Variants in ABCD2 observed in about 807,000 individuals in gnomAD.
The protein encoded by ABCD2 is ATP binding cassette subfamily D member 2.
ABCD2 carries 36 observed loss-of-function variants against 70.9 expected under a neutral mutation model. The ratio of observed to expected loss-of-function variants is 0.51; its 90% CI spans 0.39 to 0.67. The LOEUF (loss-of-function observed/expected upper bound fraction) is 0.67. ABCD2 is among the 30% of genes least tolerant of loss of function. The pLI is 0.00. For missense variants in ABCD2, 729 were observed against 890.2 expected (o/e 0.82, Z 2.30); for synonymous variants, 304 against 306.9 (o/e 0.99, Z 0.10).
chr12:39,542,841 A>G, the ABCD2 span, among the ~76,000 whole-genome samples: 1 of 152,176 alleles, frequency 6.6e-6, no homozygotes. Flanking sequence ...ATCAGCTGTG[A>G]GAAAAGAAGG....
chr12:39,568,788 T>C (rs1057149968), intron 9 of ABCD2, among the ~76,000 whole-genome samples: 2 of 152,162 alleles, frequency 1.3e-5, no homozygotes, highest in Admixed American at 1.3e-4. Context: ...ATGATGGTGA[T>C]TTACAGATGG....
downstream of ABCD2, among the ~76,000 whole-genome samples, chr12:39,548,055 A>G (rs540976384): frequency 5.9e-5 from 9 of 152,156 alleles, no homozygotes; most frequent in South Asian, 2.1e-4. Context: ...CCAGTTTCCA[A>G]TTTTGAACTT....
chr12:39,564,984 C>T (rs1471763542), intron 9 of ABCD2, among the ~76,000 whole-genome samples: 1 of 152,104 alleles, frequency 6.6e-6, no homozygotes, highest in East Asian at 1.9e-4. Flanking sequence ...GTTCCATTGG[C>T]TATATCTCTG....
chr12:39,564,126 C>A (rs1437530868), intron 9 of ABCD2, among the ~76,000 whole-genome samples: 1 of 152,098 alleles, frequency 6.6e-6, no homozygotes, highest in Non-Finnish European at 1.5e-5. Context: ...GATTTATAAT[C>A]CTTTGTGTAT....
In ABCD2 at chr12:39,552,829, A is replaced by T. The variant is rs1459840979; in HGVS notation, c.*1083T>A. On this transcript the variant is annotated 3_prime_UTR_variant, in exon 10 of 10. Transcript: ENST00000308666. ...CCAGTTTGATTTAAAGGATAATAAC[A>T]AAAGAGCACTAAACCAGAGAGTCAG... The T allele has an allele frequency of 1.3e-5, 2 of 152,028 alleles. No homozygotes were observed. Among genetic ancestry groups the T allele is most frequent in the African/African-American group, 2.4e-5 (1 of 41,452 alleles). The allele number at this position is 152,028 out of a possible 1,614,324, so 9.4% of individuals were successfully genotyped here. A position where few individuals can be genotyped will look rare whatever the true frequency, so the allele number is the denominator to read the frequency against.
At chr12:39,618,583 TG>T in intron 1 of ABCD2, 93 bp downstream of exon 1, 1 of 1,091,428 alleles carries the variant, frequency 9.2e-7, no homozygotes, top group Non-Finnish European at 1.3e-6. Flanking sequence ...ACTAAAGAAG[TG>T]GGTCCATCGA....
intron 6 of ABCD2, among the ~76,000 whole-genome samples, chr12:39,593,034 G>A (rs1367985475): frequency 6.6e-6 from 1 of 152,064 alleles, no homozygotes; most frequent in East Asian, 1.9e-4. Context: ...CACCCTTTCT[G>A]TCCTCCATAG....
At chr12:39,534,852 G>T in the ABCD2 span, among the ~76,000 whole-genome samples, 2 of 141,072 alleles carry the variant, frequency 1.4e-5, no homozygotes, top group African/African-American at 5.2e-5. Context: ...AAGAAATAAA[G>T]AAAGAGAAAG....
At chr12:39,581,817 A>T (rs1345303056) in intron 7 of ABCD2, among the ~76,000 whole-genome samples, 2 of 152,206 alleles carry the variant, frequency 1.3e-5, no homozygotes, top group Admixed American at 6.5e-5. Flanking sequence ...GGAACACATA[A>T]ATCAAAACTC....
chr12:39,536,136 G>A, the ABCD2 span, among the ~76,000 whole-genome samples: 2 of 152,188 alleles, frequency 1.3e-5, no homozygotes, highest in Admixed American at 1.3e-4. Flanking sequence ...AAAATTCCAT[G>A]TAAAATACAC....
At chr12:39,549,913 T>C (rs1047935919), downstream of ABCD2, 1 of 151,854 alleles carries the variant, frequency 6.6e-6, no homozygotes, top group African/African-American at 2.4e-5. Context: ...AAAGATTTGG[T>C]GAAGTCTGTA....
At position 39,618,855 on chromosome 12, in the gene ABCD2, A is replaced by G. The variant is rs201891055; in HGVS notation, c.761T>C (p.Ile254Thr). ...AAGTCCTGCTAGTAGGGTGGGCCCA[A>G]TTGGGCTTGCTCCTCTGGATGTAGC... Reference protein sequence around the residue: ...QTATSRGASPIGPTLLAGLVV... With the variant: ...QTATSRGASPTGPTLLAGLVV... Residue 254 changes from isoleucine (I) to threonine (T), a missense_variant, in exon 1 of 10, where the codon ATT becomes ACT. By Grantham distance (89) the Ile-to-Thr change is moderately conservative (BLOSUM62 -1). Coordinates refer to ENST00000308666, the MANE Select transcript of ABCD2 (RefSeq NM_005164.4). 2.5e-5 allele frequency: 40 copies of G among 1,614,096 alleles called. No individual in the cohort carries two copies. The highest frequency in any genetic ancestry group is 5.5e-5 in the South Asian group (5 of 91,084).
chr12:39,583,693 C>T (rs1941627977), intron 7 of ABCD2, among the ~76,000 whole-genome samples: 3 of 152,102 alleles, frequency 2.0e-5, no homozygotes, highest in Admixed American at 2.0e-4. Flanking sequence ...CTCAAGTAGA[C>T]CTGAGTCTCT....
intron 9 of ABCD2, among the ~76,000 whole-genome samples, chr12:39,567,646 G>C (rs1399930846): frequency 6.6e-6 from 1 of 151,754 alleles, no homozygotes; most frequent in Non-Finnish European, 1.5e-5. Context: ...GGTTAATATT[G>C]TGTGAATTTG....
chr12:39,542,020 G>T, the ABCD2 span, among the ~76,000 whole-genome samples: 1 of 152,314 alleles, frequency 6.6e-6, no homozygotes, highest in East Asian at 1.9e-4. Flanking sequence ...AGCAGCATAG[G>T]GTGGGCCTCT....
At chr12:39,611,066 A>C (rs59528535) in intron 2 of ABCD2, among the ~76,000 whole-genome samples, 30,199 of 152,102 alleles carry the variant, frequency 0.2, 3,484 homozygotes, top group African/African-American at 0.33. Flanking sequence ...TTTACTGCTA[A>C]TTTGGAGCTC....
At chr12:39,577,171 AGCTAATGAGATAATC>A (rs1941530267) in intron 8 of ABCD2, among the ~76,000 whole-genome samples, 1 of 152,128 alleles carries the variant, frequency 6.6e-6, no homozygotes, top group Non-Finnish European at 1.5e-5. Flanking sequence ...ATAAGATAAC[AGCTAATGAGATAATC>A]GCTAATGAGA....
intron 7 of ABCD2, among the ~76,000 whole-genome samples, chr12:39,581,841 T>C (rs1414775710): frequency 6.6e-6 from 1 of 152,214 alleles, no homozygotes; most frequent in Admixed American, 6.5e-5. Flanking sequence ...GTCATAATGT[T>C]GCCTCTGACC....
chr12:39,556,605 A>G lies in ABCD2; in HGVS notation c.2004-2474T>C, dbSNP rs115247460. On this transcript the variant is annotated intron_variant, in intron 9 of 9. Coordinates refer to ENST00000308666, the MANE Select transcript of ABCD2 (RefSeq NM_005164.4). ...GAGTCAATTAAACCCTTTTTCCTTT[A>G]TAAATTACCCGGTCTAGGGCAGTTC... Among the ~76,000 whole-genome samples, 682 of 152,182 alleles carry G rather than the reference A, an allele frequency of 4.5e-3. 6 individuals are homozygous for G. The highest frequency in any genetic ancestry group is 0.016 in the African/African-American group (650 of 41,526).
Sources: allele counts gnomAD v4.1 joint callset (sites outside exome capture counted in the v4.1 genomes callset), GRCh38; gene constraint gnomAD v4.1.1; transcripts MANE v1.5; gene names NCBI Gene and HGNC (gene_info 2026-07-23, HGNC 2026-07-21).